Variants in SLC6A6 observed in about 807,000 individuals in gnomAD.
SLC6A6 encodes the protein solute carrier family 6 member 6, also known as sodium- and chloride-dependent taurine transporter.
Under a neutral mutation model 68.8 loss-of-function variants are expected in SLC6A6, and 16 were observed. The ratio of observed to expected loss-of-function variants is 0.23; its 90% CI spans 0.16 to 0.35. SLC6A6 has a LOEUF of 0.35. Among genes scored for constraint, SLC6A6 ranks in the 10% least tolerant of loss-of-function variants. The pLI is 1.00. For missense variants in SLC6A6, 474 were observed against 802.8 expected (o/e 0.59, Z 4.95); for synonymous variants, 312 against 315.4 (o/e 0.99, Z 0.12).
Position 14,481,242 on chromosome 3 carries a change from G to A in SLC6A6, c.1552-429G>A, listed in dbSNP as rs1700999803. ...AGGCAGACCCAGTGGAGCCAAGTTAGGATGAGAAGATGTGGGGGAAAGAGG... is the reference window on the plus strand; with the variant it reads ...AGGCAGACCCAGTGGAGCCAAGTTAAGATGAGAAGATGTGGGGGAAAGAGG... On this transcript the variant is annotated intron_variant, in intron 13 of 14. Coordinates refer to ENST00000622186, the MANE Select transcript of SLC6A6 (RefSeq NM_003043.6). The surrounding 1 kb of genome is among the most constrained non-coding windows in gnomAD (Gnocchi z 4.7). Among the ~76,000 whole-genome samples, 1 of 141,082 alleles carries A rather than the reference G, an allele frequency of 7.1e-6. No individual in the cohort carries two copies. Among genetic ancestry groups the A allele is most frequent in the South Asian group, 2.2e-4 (1 of 4,648 alleles). The allele number at this position is 141,082 out of a possible 152,430, so 92.6% of individuals were successfully genotyped here.
chr3:14,438,638 G>A (rs1428787659), intron 2 of SLC6A6, among the ~76,000 whole-genome samples: 3 of 152,174 alleles, frequency 2.0e-5, no homozygotes, highest in African/African-American at 2.4e-5. Context: ...TGATCAGTTT[G>A]CTTAACCAAG....
chr3:14,472,055 C>T lies in SLC6A6; in HGVS notation c.1097-150C>T, dbSNP rs1700764318. The T allele has an allele frequency of 3.3e-6, 2 of 615,172 alleles. No homozygotes were observed. The highest frequency in any genetic ancestry group is 5.9e-6 in the Non-Finnish European group (2 of 341,028). The allele number at this position is 615,172 out of a possible 1,614,324, so 38.1% of individuals were successfully genotyped here. A position where few individuals can be genotyped will look rare whatever the true frequency, so the allele number is the denominator to read the frequency against. ...CAGCGTGTCCCACCCAAAGGCGAGA[C>T]AGGCCTGGTCTCTTTCCCCAGGCCA... On this transcript the variant is annotated intron_variant, in intron 9 of 14. Transcript: ENST00000622186. The surrounding 1 kb of genome is among the most constrained non-coding windows in gnomAD (Gnocchi z 4.5).
At chr3:14,441,306 C>G (rs1699978702) in intron 2 of SLC6A6, among the ~76,000 whole-genome samples, 1 of 151,644 alleles carries the variant, frequency 6.6e-6, no homozygotes. Flanking sequence ...CAATTATGCG[C>G]CCACCGAGCC....
intron 2 of SLC6A6, among the ~76,000 whole-genome samples, chr3:14,426,147 T>C (rs1699591833): frequency 6.6e-6 from 1 of 152,130 alleles, no homozygotes; most frequent in Admixed American, 6.6e-5. Context: ...GGTTTCAGTT[T>C]CCCCCTGTGT....
chr3:14,450,793 C>G lies in SLC6A6; in HGVS notation c.599+2977C>G, dbSNP rs1700235131. On this transcript the variant is annotated intron_variant, in intron 5 of 14. Transcript: ENST00000622186. The surrounding 1 kb of genome is among the most constrained non-coding windows in gnomAD (Gnocchi z 4.1). ...GGCCTCCTGCCTTCAAGAGCCTTCTCTTTTCTTGGCATGCAATGGTGGAAA... is the reference window on the plus strand; with the variant it reads ...GGCCTCCTGCCTTCAAGAGCCTTCTGTTTTCTTGGCATGCAATGGTGGAAA... Among the ~76,000 whole-genome samples, 1 of 152,230 alleles carries G rather than the reference C, an allele frequency of 6.6e-6. No individual in the cohort carries two copies. The highest frequency in any genetic ancestry group is 1.5e-5 in the Non-Finnish European group (1 of 68,038).
intron 1 of SLC6A6, among the ~76,000 whole-genome samples, chr3:14,405,586 C>T (rs1699089033): frequency 6.6e-6 from 1 of 152,208 alleles, no homozygotes; most frequent in African/African-American, 2.4e-5. Flanking sequence ...CATGCTGATT[C>T]CCCACTTCTG....
At chr3:14,480,367 T>C (rs1700979550) in intron 13 of SLC6A6, among the ~76,000 whole-genome samples, 1 of 152,204 alleles carries the variant, frequency 6.6e-6, no homozygotes, top group African/African-American at 2.4e-5. Flanking sequence ...GACCCTCAGT[T>C]TCCTTATCTC....
intron 4 of SLC6A6, 50 bp from the exon 5 acceptor site, chr3:14,447,532 G>A (rs1700153610): frequency 6.2e-7 from 1 of 1,603,684 alleles, no homozygotes; most frequent in Non-Finnish European, 8.5e-7. Flanking sequence ...TGGCCGTGGT[G>A]GGTCTGGCCT....
intron 2 of SLC6A6, among the ~76,000 whole-genome samples, chr3:14,435,446 G>T (rs921112538): frequency 6.6e-6 from 1 of 152,232 alleles, no homozygotes; most frequent in Non-Finnish European, 1.5e-5. Context: ...ACCCCAGGTA[G>T]ATAACAAGCC....
At chr3:14,406,322 T>A (rs1699107203) in intron 1 of SLC6A6, among the ~76,000 whole-genome samples, 1 of 152,080 alleles carries the variant, frequency 6.6e-6, no homozygotes, top group Non-Finnish European at 1.5e-5. Context: ...GGGCCTTGAA[T>A]GCTGTGTAAG....
chr3:14,403,936 T>C (rs1376775049), intron 1 of SLC6A6, among the ~76,000 whole-genome samples: 3 of 152,202 alleles, frequency 2.0e-5, no homozygotes, highest in Non-Finnish European at 2.9e-5. Flanking sequence ...TTGGTCACTG[T>C]TGGGCCTCTG....
intron 2 of SLC6A6, among the ~76,000 whole-genome samples, chr3:14,417,461 G>A (rs1235745608): frequency 2.0e-5 from 3 of 151,918 alleles, no homozygotes; most frequent in Non-Finnish European, 4.4e-5. Flanking sequence ...GCCGGGCGCC[G>A]TGGCTCACGC....
chr3:14,484,839 C>T, intron 14 of SLC6A6, 28 bp from the exon 15 acceptor site: 4 of 1,605,924 alleles, frequency 2.5e-6, no homozygotes, highest in Non-Finnish European at 3.4e-6. Context: ...CTGACGTTTC[C>T]CCCCTCACTC....
At chr3:14,459,032 T>C (rs1700434168) in intron 6 of SLC6A6, among the ~76,000 whole-genome samples, 1 of 152,240 alleles carries the variant, frequency 6.6e-6, no homozygotes, top group Admixed American at 6.5e-5. Flanking sequence ...GCTGTTGTCA[T>C]GGCTTTGCTG....
At chr3:14,466,759 G>A (rs1458722277) in intron 7 of SLC6A6, 109 bp downstream of exon 7, 2 of 1,097,834 alleles carry the variant, frequency 1.8e-6, no homozygotes, top group African/African-American at 1.6e-5. Context: ...TGGTTCTTCA[G>A]TGCACAGGTC....
chr3:14,455,526 C>T (rs1453188469), intron 5 of SLC6A6, among the ~76,000 whole-genome samples: 1 of 152,232 alleles, frequency 6.6e-6, no homozygotes, highest in Non-Finnish European at 1.5e-5. Context: ...GTGGGCAACA[C>T]AGACATTTCC....
chr3:14,407,296 C>A (rs566594495), intron 1 of SLC6A6, among the ~76,000 whole-genome samples: 6 of 152,170 alleles, frequency 3.9e-5, no homozygotes, highest in African/African-American at 1.4e-4. Flanking sequence ...GCGATCCTCC[C>A]ACCTTAGATG....
In SLC6A6 at chr3:14,477,595, G is replaced by A. The variant is rs1178273868; in HGVS notation, c.1347+253G>A. Among the ~76,000 whole-genome samples, 2 of 152,222 alleles carry A rather than the reference G, an allele frequency of 1.3e-5. No homozygotes were observed. The highest frequency in any genetic ancestry group is 2.1e-4 in the South Asian group (1 of 4,834). ...GTGACCACCCGCTGCCCTCTGTCCTGGGAAGAGGATCTTCAGCTGAAATCC... is the reference window on the plus strand; with the variant it reads ...GTGACCACCCGCTGCCCTCTGTCCTAGGAAGAGGATCTTCAGCTGAAATCC... On this transcript the variant is annotated intron_variant, in intron 11 of 14. Coordinates refer to ENST00000622186, the MANE Select transcript of SLC6A6 (RefSeq NM_003043.6). This position sits in a 1 kb window ranked among gnomAD's most constrained non-coding sequence, Gnocchi z 4.2.
chr3:14,417,460 C>G (rs62231830), intron 2 of SLC6A6, among the ~76,000 whole-genome samples: 137 of 150,352 alleles, frequency 9.1e-4, no homozygotes, highest in Admixed American at 1.7e-3. Context: ...GGCCGGGCGC[C>G]GTGGCTCACG....
Sources: gnomAD v4.1 joint callset for allele counts (sites outside exome capture counted in the v4.1 genomes callset) on GRCh38, gnomAD v4.1.1 for gene constraint, Gnocchi (gnomAD v3.1) non-coding constraint, MANE v1.5 for transcripts, NCBI Gene and HGNC (gene_info 2026-07-23, HGNC 2026-07-21) for gene names.